PDGFRB: variants seen among roughly 807,000 people sequenced by gnomAD.
The protein encoded by PDGFRB is platelet-derived growth factor receptor beta.
In PDGFRB, 42 loss-of-function variants were observed where a neutral mutation model predicts 120.2. The observed-to-expected ratio is 0.35, with a 90% CI of 0.27 to 0.45. The LOEUF is 0.45. Ranked by LOEUF, PDGFRB falls within the 20% of genes least tolerant of loss-of-function variation. PDGFRB has a pLI of 1.00. For missense variants in PDGFRB, 1,149 were observed against 1,476.3 expected, an observed-to-expected ratio of 0.78 and a Z score of 3.63; for synonymous variants, 586 against 606.8, an observed-to-expected ratio of 0.97 and a Z score of 0.50.
rs3815373 is a variant in PDGFRB, at chr5:150,155,748, G to A, written c.-358C>T. The stretch of plus-strand genomic sequence containing the variant: ...TGCTGGGCAGCAGGGCTGAGGGGCC[G>A]GCTCTCTCCTCCTCCTTGTTGATCT... On this transcript the variant is annotated 5_prime_UTR_variant, in exon 1 of 23. Coordinates refer to ENST00000261799, the MANE Select transcript of PDGFRB (RefSeq NM_002609.4). 2.2e-4 allele frequency: 89 copies of A among 398,644 alleles called. 1 individual carries two copies. The East Asian group carries it at 3.0e-3, about 14-fold the overall frequency. 24.7% of individuals were successfully genotyped at this position (398,644 alleles called of 1,614,324 possible).
chr5:150,153,003 T>C (rs1158023603), intron 1 of PDGFRB, among the ~76,000 whole-genome samples: 1 of 152,174 alleles, frequency 6.6e-6, no homozygotes, highest in African/African-American at 2.4e-5. Context: ...CAATGCATAG[T>C]CATCTGATGC....
In PDGFRB at chr5:150,121,817, C is replaced by T; in HGVS notation, c.2344+63G>A. 5.4e-6 allele frequency: 7 copies of T among 1,298,502 alleles called. No individual in the cohort carries two copies. Among genetic ancestry groups the T allele is most frequent in the Non-Finnish European group, 5.5e-6 (5 of 904,398 alleles). 80.4% of individuals were successfully genotyped at this position (1,298,502 alleles called of 1,614,324 possible). On this transcript the variant is annotated intron_variant, in intron 16 of 22. Transcript: ENST00000261799. The surrounding 1 kb of genome is among the most constrained non-coding windows in gnomAD (Gnocchi z 4.1). ...CTTCTTCTCAGGGTTTTTGGCAAGG[C>T]TGGGCATGTGAAGAGCATCAGCCTG...
At chr5:150,130,781 G>A (rs1760444058) in intron 8 of PDGFRB, 119 bp from the exon 9 acceptor site, 2 of 820,364 alleles carry the variant, frequency 2.4e-6, no homozygotes, top group South Asian at 3.0e-5. Flanking sequence ...TAGACTGCAG[G>A]TGAACATTAA....
rs1421320800 is a variant in PDGFRB, at chr5:150,121,648, T to A, written c.2344+232A>T. On this transcript the variant is annotated intron_variant, in intron 16 of 22. Transcript: ENST00000261799. The surrounding 1 kb of genome is among the most constrained non-coding windows in gnomAD (Gnocchi z 4.1). ...CACGACAAAAGGCCAGGTCCTCCCA[T>A]ATCCCTGCTCTCTCCCTCCCTGAGG... Among the ~76,000 whole-genome samples, 1 of 152,222 alleles carries A rather than the reference T, an allele frequency of 6.6e-6. No homozygotes were observed. Among genetic ancestry groups the A allele is most frequent in the Non-Finnish European group, 1.5e-5 (1 of 68,038 alleles).
Position 150,123,114 on chromosome 5 carries a change from T to C in PDGFRB, c.2111A>G (p.His704Arg). 1 of 1,613,790 alleles carries C rather than the reference T, an allele frequency of 6.2e-7. No individual in the cohort carries two copies. Among genetic ancestry groups the C allele is most frequent in the Non-Finnish European group, 8.5e-7 (1 of 1,179,958 alleles). The change falls in exon 15 of 23, where the codon CAC becomes CGC. Residue 704 changes from histidine to arginine, a missense_variant. This residue lies in a region of PDGFRB where 879 missense variants were observed against 1,108.6 expected (regional missense o/e 0.79). Transcript: ENST00000261799. The part of the protein sequence containing the change: ...HRNKHTFLQH[H>R]SDKRRPPSAE... ...GCTGGGCGGGCGGCGCTTGTCGGAG[T>C]GGTGCTGCAGGAAGGTGTGTTTGTT...
chr5:150,126,469 G>T, intron 11 of PDGFRB, 51 bp downstream of exon 11: 1 of 980,478 alleles, frequency 1.0e-6, no homozygotes, highest in Non-Finnish European at 1.7e-6. Context: ...TGGAATTTAT[G>T]CAAAATAATG....
intron 10 of PDGFRB, among the ~76,000 whole-genome samples, chr5:150,127,931 C>T (rs1181315185): frequency 1.3e-5 from 2 of 151,034 alleles, no homozygotes; most frequent in African/African-American, 2.4e-5. Flanking sequence ...AAGGCAGAGG[C>T]TTCATGACTC....
intron 1 of PDGFRB, among the ~76,000 whole-genome samples, chr5:150,150,436 C>A (rs17708682): frequency 5.3e-5 from 8 of 152,084 alleles, no homozygotes; most frequent in African/African-American, 1.9e-4. Context: ...CATCACAGGG[C>A]GGAGAAGCTG....
intron 3 of PDGFRB, 33 bp from the exon 4 acceptor site, chr5:150,135,049 G>T (rs373156228): frequency 5.0e-6 from 6 of 1,205,368 alleles, no homozygotes; most frequent in Non-Finnish European, 6.0e-6. Context: ...TAAATCAGGG[G>T]AACTGGGTTT....
intron 1 of PDGFRB, among the ~76,000 whole-genome samples, chr5:150,146,637 T>G (rs1580820429): frequency 6.6e-6 from 1 of 152,120 alleles, no homozygotes. Flanking sequence ...CAGCTCACTA[T>G]AGCCTCAAAC....
At position 150,142,281 on chromosome 5, in the gene PDGFRB, C is replaced by T. The variant is rs369812763; in HGVS notation, c.-6-5228G>A. On this transcript the variant is annotated intron_variant, in intron 1 of 22. Coordinates refer to ENST00000261799, the MANE Select transcript of PDGFRB (RefSeq NM_002609.4). ...CGCAGCTCCCCGCCTCCAGCCCCTG[C>T]TAAGATGTGAGGCTGGTGGCTCAAG... Among the ~76,000 whole-genome samples the T allele has an allele frequency of 1.7e-4, 26 of 152,336 alleles. No homozygotes were observed. The East Asian group carries it at 4.8e-3, about 28-fold the overall frequency.
chr5:150,145,579 C>T (rs1427391096), intron 1 of PDGFRB, among the ~76,000 whole-genome samples: 2 of 152,230 alleles, frequency 1.3e-5, no homozygotes, highest in Non-Finnish European at 2.9e-5. Context: ...TGCCCAAAAG[C>T]TTGCCAGTGG....
At chr5:150,117,544 GCACACACACACACACACA>G (rs3836743) in intron 22 of PDGFRB, 56 bp downstream of exon 22, 4 of 516,464 alleles carry the variant, frequency 7.7e-6, no homozygotes, top group Middle Eastern at 5.4e-4. Flanking sequence ...GCGCGCGCGC[GCACACACACACACACACA>G]CACACACACA....
chr5:150,119,425 T>C lies in PDGFRB; in HGVS notation c.2798+42A>G. 5 of 1,099,470 alleles carry C rather than the reference T, an allele frequency of 4.5e-6. No homozygotes were observed. The South Asian group carries it at 4.9e-5, about 11-fold the overall frequency. 68.1% of individuals were successfully genotyped at this position (1,099,470 alleles called of 1,614,324 possible). A position where few individuals can be genotyped will look rare whatever the true frequency, so the allele number is the denominator to read the frequency against. ...GCCAGTAGAGTTGGATATCTATTGT[T>C]TGCAGCACAAAATCCTCCCAAATGC... On this transcript the variant is annotated intron_variant, in intron 20 of 22. Coordinates refer to ENST00000261799, the MANE Select transcript of PDGFRB (RefSeq NM_002609.4).
chr5:150,151,381 G>A (rs1444358098), intron 1 of PDGFRB, among the ~76,000 whole-genome samples: 1 of 152,152 alleles, frequency 6.6e-6, no homozygotes, highest in Non-Finnish European at 1.5e-5. Flanking sequence ...GAATGCTGAG[G>A]GCCCCCACAG....
chr5:150,142,622 A>G (rs998471446), intron 1 of PDGFRB, among the ~76,000 whole-genome samples: 3 of 150,020 alleles, frequency 2.0e-5, no homozygotes, highest in Non-Finnish European at 4.4e-5. Context: ...CACTTATAGG[A>G]TAGTGGTCCC....
At chr5:150,130,128 G>C (rs996879277) in intron 9 of PDGFRB, among the ~76,000 whole-genome samples, 160 bp from the exon 10 acceptor site, 2 of 152,240 alleles carry the variant, frequency 1.3e-5, no homozygotes, top group Admixed American at 1.3e-4. Context: ...TGGTCAGCAG[G>C]GGGTGCTCCC....
intron 22 of PDGFRB, among the ~76,000 whole-genome samples, chr5:150,117,387 C>A (rs983177807): frequency 2.6e-5 from 4 of 152,160 alleles, no homozygotes; most frequent in African/African-American, 9.7e-5. Context: ...GCAAGTAAGT[C>A]CCAGCCCATA....
At chr5:150,129,441 G>C (rs772441431) in intron 10 of PDGFRB, among the ~76,000 whole-genome samples, 5 of 152,118 alleles carry the variant, frequency 3.3e-5, no homozygotes, top group Non-Finnish European at 7.4e-5. Flanking sequence ...TCTACACACA[G>C]AGGATTTGCA....
Sources: gnomAD v4.1 joint callset for allele counts (sites outside exome capture counted in the v4.1 genomes callset) on GRCh38, gnomAD v4.1.1 for gene constraint, gnomAD v4.1.1 regional missense constraint, Gnocchi (gnomAD v3.1) non-coding constraint, MANE v1.5 for transcripts, NCBI Gene and HGNC (gene_info 2026-07-23, HGNC 2026-07-21) for gene names.